The following GAB2 variants were observed in gnomAD, a reference collection of about 807,000 sequenced individuals.
GAB2 encodes GRB2-associated-binding protein 2.
Under a neutral mutation model 65.5 loss-of-function variants are expected in GAB2, and 26 were observed. The observed-to-expected ratio is 0.40, with a 90% CI of 0.29 to 0.55. The LOEUF is 0.55. Among genes scored for constraint, GAB2 ranks in the 20% least tolerant of loss-of-function variants. The pLI is 0.53. For missense variants in GAB2, 884 were observed against 875.8 expected, an observed-to-expected ratio of 1.01 and a Z score of -0.12; for synonymous variants, 321 against 329.6, an observed-to-expected ratio of 0.97 and a Z score of 0.28.
intron 1 of GAB2, among the ~76,000 whole-genome samples, chr11:78,350,100 C>CACA: frequency 6.6e-6 from 1 of 152,046 alleles, no homozygotes; most frequent in Non-Finnish European, 1.5e-5. Context: ...AAAAGTTAGG[C>CACA]AAATGGGTCA....
At chr11:78,327,571 A>G (rs540027549) in intron 1 of GAB2, among the ~76,000 whole-genome samples, 1 of 152,276 alleles carries the variant, frequency 6.6e-6, no homozygotes, top group African/African-American at 2.4e-5. Context: ...GAAACAACAT[A>G]CCATTGAATG....
At chr11:78,345,455 G>A (rs10501427) in intron 1 of GAB2, among the ~76,000 whole-genome samples, 12,977 of 152,210 alleles carry the variant, frequency 0.085, 1,708 homozygotes, top group African/African-American at 0.29. Flanking sequence ...GAAGTCAGGT[G>A]TAAGTGCTTC....
At chr11:78,370,740 T>TGTGG (rs970894675) in intron 1 of GAB2, among the ~76,000 whole-genome samples, 7 of 151,958 alleles carry the variant, frequency 4.6e-5, no homozygotes, top group African/African-American at 1.7e-4. Flanking sequence ...TGTGTGTGTG[T>TGTGG]GTGTGTAAGG....
intron 1 of GAB2, among the ~76,000 whole-genome samples, chr11:78,386,622 T>G (rs1299163507): frequency 2.1e-4 from 32 of 152,156 alleles, no homozygotes; most frequent in Non-Finnish European, 2.9e-5. Context: ...GCCTGAATAC[T>G]CTGCAAGAAG....
At chr11:78,237,125 T>C (rs1865004039) in intron 3 of GAB2, among the ~76,000 whole-genome samples, 1 of 152,236 alleles carries the variant, frequency 6.6e-6, no homozygotes, top group South Asian at 2.1e-4. Flanking sequence ...ATTGGTGTTA[T>C]CTTTGAATGC....
Position 78,417,654 on chromosome 11 carries a change from T to G in GAB2, c.67A>C (p.Arg23=). 1 of 1,371,598 alleles carries G rather than the reference T, an allele frequency of 7.3e-7. No individual in the cohort carries two copies. Among genetic ancestry groups the G allele is most frequent in the Non-Finnish European group, 9.6e-7 (1 of 1,038,478 alleles). The allele number at this position is 1,371,598 out of a possible 1,614,324, so 85.0% of individuals were successfully genotyped here. Residue 23 remains arginine, a synonymous_variant, in exon 1 of 10, where the codon AGG becomes CGG. Transcript: ENST00000361507. ...GCCGCGCCCGCACTCACATAGCGCC[T>G]CAACTTCTTCTCGGGAGGCGATTTC... ...LRKSPPEKKL[R]RYAWKKRWFI...
In GAB2 at chr11:78,346,704, TATATATATATATATATAA is replaced by T. The variant is rs1565168207; in HGVS notation, c.76-65821_76-65804del. On this transcript the variant is annotated intron_variant, in intron 1 of 9. Coordinates refer to ENST00000361507, the MANE Select transcript of GAB2 (RefSeq NM_080491.3). ...ATATATATATATATATATATATATA[TATATATATATATATATAA>T]TTTTTTTTTTTTTTAGGAAAAGAAA... Among the ~76,000 whole-genome samples the T allele has an allele frequency of 9.0e-3, 900 of 100,156 alleles. 37 individuals are homozygous for T. The highest frequency in any genetic ancestry group is 0.013 in the Non-Finnish European group (743 of 56,832). The allele number at this position is 100,156 out of a possible 152,430, so 65.7% of individuals were successfully genotyped here.
chr11:78,276,979 G>A (rs562780957), intron 2 of GAB2, among the ~76,000 whole-genome samples: 5 of 152,108 alleles, frequency 3.3e-5, no homozygotes, highest in South Asian at 4.2e-4. Context: ...CACCACGCCC[G>A]GCTATTTTTC....
intron 1 of GAB2, among the ~76,000 whole-genome samples, 180 bp downstream of exon 1, chr11:78,417,466 G>A (rs1381230985): frequency 1.3e-5 from 2 of 150,468 alleles, no homozygotes; most frequent in African/African-American, 2.4e-5. Flanking sequence ...CCCGCCCCTC[G>A]GCGGCCCACC....
rs111741920 is a variant in GAB2, at chr11:78,309,973, C to T, written c.76-29072G>A. ...GTGTGTGTGTGTGTGTGTGTGTGTG[C>T]GCGCGCGCCTGTGTGTGTGGTGGTG... is the stretch of plus-strand genomic sequence containing the variant. On this transcript the variant is annotated intron_variant, in intron 1 of 9. Transcript: ENST00000361507. Among the ~76,000 whole-genome samples, 851 of 113,702 alleles carry T rather than the reference C, an allele frequency of 7.5e-3. 7 individuals carry two copies. The highest frequency in any genetic ancestry group is 0.036 in the African/African-American group (781 of 21,428). The allele number at this position is 113,702 out of a possible 152,430, so 74.6% of individuals were successfully genotyped here. A position where few individuals can be genotyped will look rare whatever the true frequency, so the allele number is the denominator to read the frequency against.
chr11:78,338,702 A>G (rs1343406051), intron 1 of GAB2, among the ~76,000 whole-genome samples: 2 of 152,128 alleles, frequency 1.3e-5, no homozygotes, highest in Admixed American at 1.3e-4. Flanking sequence ...AAAAAACCAG[A>G]TATCTTAATG....
chr11:78,349,073 T>C (rs1459447684), intron 1 of GAB2, among the ~76,000 whole-genome samples: 3 of 152,242 alleles, frequency 2.0e-5, no homozygotes, highest in Non-Finnish European at 4.4e-5. Context: ...TTGGGGATGA[T>C]GCCAATGTTC....
chr11:78,354,551 G>A (rs1856329095), intron 1 of GAB2, among the ~76,000 whole-genome samples: 1 of 152,014 alleles, frequency 6.6e-6, no homozygotes, highest in East Asian at 1.9e-4. Context: ...TCTGGAGTGG[G>A]GGCTAGGCTT....
intron 2 of GAB2, among the ~76,000 whole-genome samples, chr11:78,274,230 C>T (rs1005772535): frequency 6.6e-6 from 1 of 152,020 alleles, no homozygotes; most frequent in African/African-American, 2.4e-5. Flanking sequence ...TGCACTCCAG[C>T]CTGGGCACAG....
chr11:78,220,901 C>G (rs1172816096), intron 8 of GAB2, among the ~76,000 whole-genome samples: 1 of 152,138 alleles, frequency 6.6e-6, no homozygotes, highest in Non-Finnish European at 1.5e-5. Context: ...TTTCTTCTGT[C>G]GCACCAAATC....
intron 1 of GAB2, among the ~76,000 whole-genome samples, chr11:78,343,225 C>T (rs1856127170): frequency 6.6e-6 from 1 of 152,130 alleles, no homozygotes. Context: ...CTGACTTACA[C>T]ATGAAGATAA....
At chr11:78,361,257 A>G (rs1856431126) in intron 1 of GAB2, among the ~76,000 whole-genome samples, 1 of 152,240 alleles carries the variant, frequency 6.6e-6, no homozygotes, top group South Asian at 2.1e-4. Context: ...TGAAATTATA[A>G]AACATAGTAC....
Position 78,219,281 on chromosome 11 carries a change from G to A in GAB2, c.2022C>T (p.Ala674=), listed in dbSNP as rs138587090. 3,576 of 1,613,262 alleles carry A rather than the reference G, an allele frequency of 2.2e-3. 6 individuals are homozygous for A. Among genetic ancestry groups the A allele is most frequent in the Non-Finnish European group, 2.6e-3 (3,079 of 1,179,884 alleles). ...VRQSSEPSKG[A]KL is the part of the protein sequence containing the mutation. ...TGCGGTGGCCCTCTCATCACAGCTT[G>A]GCACCCTTGGAAGGCTCTGAGGACT... Residue 674 remains alanine (A), a synonymous_variant, in exon 10 of 10, where the codon GCC becomes GCT. Transcript: ENST00000361507.
intron 1 of GAB2, among the ~76,000 whole-genome samples, chr11:78,408,961 G>A (rs1857090223): frequency 6.6e-6 from 1 of 152,126 alleles, no homozygotes; most frequent in Non-Finnish European, 1.5e-5. Flanking sequence ...CCCAGTCTCA[G>A]GTAGTTCTTT....
Sources: allele counts gnomAD v4.1 joint callset (sites outside exome capture counted in the v4.1 genomes callset), GRCh38; gene constraint gnomAD v4.1.1; transcripts MANE v1.5; gene names NCBI Gene and HGNC (gene_info 2026-07-23, HGNC 2026-07-21).